The following SRGAP3 variants were observed in gnomAD, a reference collection of about 807,000 sequenced individuals.
SRGAP3 encodes SLIT-ROBO Rho GTPase activating protein 3, also known as SLIT-ROBO Rho GTPase-activating protein 3.
In SRGAP3, 39 loss-of-function variants were observed where a neutral mutation model predicts 121.1. That is an observed-to-expected ratio of 0.32 (90% CI 0.25 to 0.42). The LOEUF (loss-of-function observed/expected upper bound fraction) is 0.42. Among genes scored for constraint, SRGAP3 ranks in the 10% least tolerant of loss-of-function variants. The pLI is 1.00. For synonymous variants in SRGAP3, 601 were observed against 570.0 expected (o/e 1.05, Z -0.77); for missense variants, 1,213 against 1,470.6 (o/e 0.82, Z 2.86).
chr3:9,255,828 T>C (rs1408513261), intron 3 of SRGAP3, among the ~76,000 whole-genome samples: 3 of 152,222 alleles, frequency 2.0e-5, no homozygotes, highest in Non-Finnish European at 4.4e-5. Flanking sequence ...TTGATACTTA[T>C]AAAGCATCTT....
intron 1 of SRGAP3, among the ~76,000 whole-genome samples, chr3:9,341,519 TG>T (rs1014767058): frequency 2.6e-5 from 4 of 152,192 alleles, no homozygotes; most frequent in African/African-American, 9.7e-5. Context: ...ATCAGTATTC[TG>T]GGGGGAAAGT....
At chr3:9,072,498 G>C (rs1428148967) in intron 4 of SRGAP3, among the ~76,000 whole-genome samples, 1 of 152,232 alleles carries the variant, frequency 6.6e-6, no homozygotes, top group African/African-American at 2.4e-5. Flanking sequence ...CTTCCATTCT[G>C]CTTAGGACCA....
At chr3:9,123,665 A>G (rs1268545173) in intron 2 of SRGAP3, among the ~76,000 whole-genome samples, 1 of 151,584 alleles carries the variant, frequency 6.6e-6, no homozygotes, top group South Asian at 2.1e-4. Context: ...AGATCATGCC[A>G]CTGCACTCCA....
chr3:9,176,108 G>A (rs968892612), intron 1 of SRGAP3, among the ~76,000 whole-genome samples: 5 of 152,274 alleles, frequency 3.3e-5, no homozygotes, highest in Admixed American at 3.3e-4. Context: ...TTTTAGTAGA[G>A]ATAGGGTTTC....
At chr3:9,283,440 T>C (rs1954715839) in intron 3 of SRGAP3, among the ~76,000 whole-genome samples, 1 of 152,234 alleles carries the variant, frequency 6.6e-6, no homozygotes, top group Non-Finnish European at 1.5e-5. Context: ...CCAAACACTG[T>C]CACATTTTAT....
intron 6 of SRGAP3, 105 bp downstream of exon 6, chr3:9,060,126 C>G: frequency 6.4e-7 from 1 of 1,573,922 alleles, no homozygotes; most frequent in Non-Finnish European, 8.7e-7. Context: ...CTGTGGCTAC[C>G]CGAGAATGTC....
At chr3:9,309,903 A>T (rs1039478975) in intron 3 of SRGAP3, among the ~76,000 whole-genome samples, 2 of 152,168 alleles carry the variant, frequency 1.3e-5, no homozygotes, top group Admixed American at 6.6e-5. Context: ...CACCAACATG[A>T]TCATTCACTT....
At chr3:9,181,609 C>T (rs370248922) in intron 1 of SRGAP3, among the ~76,000 whole-genome samples, 3 of 152,208 alleles carry the variant, frequency 2.0e-5, no homozygotes, top group South Asian at 4.1e-4. Context: ...CAGGCCTCTC[C>T]GGTCTCTGTG....
At chr3:9,167,566 G>A (rs73019366) in intron 1 of SRGAP3, among the ~76,000 whole-genome samples, 9,011 of 152,100 alleles carry the variant, frequency 0.059, 333 homozygotes, top group African/African-American at 0.096. Flanking sequence ...TCAACGCCTA[G>A]GGGGGGAGCA....
In SRGAP3 at chr3:8,984,896, A is replaced by G. The variant is rs1941596474; in HGVS notation, c.*623T>C. On this transcript the variant is annotated 3_prime_UTR_variant, in exon 22 of 22. Coordinates refer to ENST00000383836, the MANE Select transcript of SRGAP3 (RefSeq NM_014850.4). Reference sequence around the variant, plus strand: ...TTGTGTTTTTCTGCAGGTTAGTGGTATATTGCTTCATTCGCAGTTACTATG... The same window carrying G: ...TTGTGTTTTTCTGCAGGTTAGTGGTGTATTGCTTCATTCGCAGTTACTATG... 1 of 228,566 alleles carries G rather than the reference A, an allele frequency of 4.4e-6. No individual in the cohort carries two copies. Among genetic ancestry groups the G allele is most frequent in the Non-Finnish European group, 8.7e-6 (1 of 115,010 alleles). The allele number at this position is 228,566 out of a possible 1,614,324, so 14.2% of individuals were successfully genotyped here.
At chr3:9,007,661 G>A (rs1254179051) in intron 18 of SRGAP3, 3 of 152,142 alleles carry the variant, frequency 2.0e-5, no homozygotes, top group Non-Finnish European at 4.4e-5. Context: ...CCCAGGCACT[G>A]TGCTAGGCTC....
chr3:9,308,031 T>C (rs377614897), intron 3 of SRGAP3, among the ~76,000 whole-genome samples: 7 of 152,212 alleles, frequency 4.6e-5, no homozygotes, highest in African/African-American at 1.7e-4. Flanking sequence ...GGTGCATGCC[T>C]GTAATCCCAG....
intron 1 of SRGAP3, among the ~76,000 whole-genome samples, chr3:9,143,103 C>A (rs767123519): frequency 5.3e-5 from 8 of 152,002 alleles, no homozygotes; most frequent in Non-Finnish European, 1.0e-4. Flanking sequence ...GTCTCCCAAA[C>A]TGCTGGGATT....
intron 4 of SRGAP3, among the ~76,000 whole-genome samples, chr3:9,078,715 G>A (rs1221858347): frequency 5.3e-5 from 8 of 152,140 alleles, no homozygotes; most frequent in African/African-American, 1.9e-4. Context: ...AACCCAGCAG[G>A]CTGTTCTGCC....
intron 1 of SRGAP3, among the ~76,000 whole-genome samples, chr3:9,134,678 C>T (rs1232047441): frequency 2.0e-5 from 3 of 152,102 alleles, no homozygotes; most frequent in Admixed American, 1.3e-4. Flanking sequence ...GGCAGTCCTG[C>T]TGCCTCCTCT....
At chr3:8,996,548 T>C (rs1311020585) in intron 18 of SRGAP3, among the ~76,000 whole-genome samples, 1 of 152,124 alleles carries the variant, frequency 6.6e-6, no homozygotes, top group African/African-American at 2.4e-5. Flanking sequence ...AACCTGGGTG[T>C]TGGGAGAGAA....
intron 1 of SRGAP3, among the ~76,000 whole-genome samples, chr3:9,189,269 C>T (rs996515993): frequency 2.6e-5 from 4 of 152,212 alleles, no homozygotes; most frequent in African/African-American, 9.6e-5. Flanking sequence ...TTCCGTAAAA[C>T]TGTCTTGAAT....
At chr3:9,145,681 C>CA (rs1949999337) in intron 1 of SRGAP3, among the ~76,000 whole-genome samples, 1 of 152,128 alleles carries the variant, frequency 6.6e-6, no homozygotes, top group African/African-American at 2.4e-5. Context: ...CACAACATTA[C>CA]AATGAGCTAA....
chr3:9,328,492 T>C (rs1218048344), intron 2 of SRGAP3, among the ~76,000 whole-genome samples: 5 of 152,228 alleles, frequency 3.3e-5, no homozygotes, highest in South Asian at 2.1e-4. Context: ...TTTTTAACCA[T>C]AGCACTCTTT....
Sources: gnomAD v4.1 joint callset for allele counts (sites outside exome capture counted in the v4.1 genomes callset) on GRCh38, gnomAD v4.1.1 for gene constraint, MANE v1.5 for transcripts, NCBI Gene and HGNC (gene_info 2026-07-23, HGNC 2026-07-21) for gene names.